The following KCNG3 variants were observed in gnomAD, a reference collection of about 807,000 sequenced individuals.
KCNG3 encodes the protein potassium voltage-gated channel modifier subfamily G member 3, also known as voltage-gated potassium channel regulatory subunit KCNG3.
KCNG3 carries 15 observed loss-of-function variants against 29.0 expected under a neutral mutation model. That is an observed-to-expected ratio of 0.52 (90% confidence interval 0.35 to 0.80). The LOEUF is 0.80. KCNG3 is among the 30% of genes least tolerant of loss of function. The pLI, the probability that KCNG3 is intolerant of heterozygous loss-of-function variation, is 0.01. For synonymous variants in KCNG3, 322 were observed against 248.9 expected (o/e 1.29, Z -2.76); for missense variants, 512 against 605.7 (o/e 0.85, Z 1.62).
chr2:42,408,458 T>C, the KCNG3 span, among the ~76,000 whole-genome samples: 2 of 152,130 alleles, frequency 1.3e-5, no homozygotes, highest in Admixed American at 1.3e-4. Context: ...GATGACCAGC[T>C]GCAGAGAGGA....
the KCNG3 span, among the ~76,000 whole-genome samples, chr2:42,390,657 CT>C: frequency 6.6e-6 from 1 of 152,182 alleles, no homozygotes; most frequent in African/African-American, 2.4e-5. Context: ...ATCATGTGGA[CT>C]TATTCCTCAC....
At chr2:42,428,475 A>AAAAAG in the KCNG3 span, among the ~76,000 whole-genome samples, 1 of 143,814 alleles carries the variant, frequency 7.0e-6, no homozygotes, top group African/African-American at 2.8e-5. Context: ...AAAAAAAAAA[A>AAAAAG]AAAGAAAAGA....
chr2:42,462,788 T>C (rs1229079516), intron 1 of KCNG3, among the ~76,000 whole-genome samples: 2 of 152,346 alleles, frequency 1.3e-5, no homozygotes, highest in East Asian at 3.9e-4. Flanking sequence ...AAACCAAGGT[T>C]CAATTATCAG....
intron 1 of KCNG3, chr2:42,463,509 C>G (rs956872515): frequency 2.3e-5 from 4 of 170,666 alleles, no homozygotes; most frequent in African/African-American, 9.6e-5. Context: ...TAAAGTCCCT[C>G]TGCTTCTCTT....
chr2:42,443,963 T>C lies in KCNG3; in HGVS notation c.1282A>G (p.Arg428Gly), dbSNP rs1472063766. The change falls in exon 2 of 2, where the codon AGG becomes GGG. Residue 428 changes from arginine (R) to glycine (G), a missense_variant. Transcript: ENST00000306078. ...TTCAGGAATTCAGTGGAGAGGCTCC[T>C]ACTATACCTAGCAGATCTAAACTTG... ...ELKFRSARYSRSLSTEFLN is the reference protein window; with the variant it reads ...ELKFRSARYSGSLSTEFLN The C allele has an allele frequency of 6.2e-7, 1 of 1,613,500 alleles. No homozygotes were observed. Among genetic ancestry groups the C allele is most frequent in the Admixed American group, 1.7e-5 (1 of 59,930 alleles).
chr2:42,390,292 T>C, the KCNG3 span, among the ~76,000 whole-genome samples: 1 of 152,132 alleles, frequency 6.6e-6, no homozygotes, highest in Admixed American at 6.5e-5. Flanking sequence ...AGAAAAAAAA[T>C]GGATTAGGAA....
the KCNG3 span, among the ~76,000 whole-genome samples, chr2:42,409,608 G>A: frequency 6.7e-6 from 1 of 149,020 alleles, no homozygotes; most frequent in Admixed American, 6.7e-5. Flanking sequence ...GGAGGCTGAG[G>A]TGGAAGGATT....
chr2:42,389,390 T>G, the KCNG3 span, among the ~76,000 whole-genome samples: 1 of 152,218 alleles, frequency 6.6e-6, no homozygotes, highest in African/African-American at 2.4e-5. Context: ...TCTTACCAAC[T>G]TTACTCAGAG....
At chr2:42,488,612 T>C (rs1020483861) in intron 1 of KCNG3, among the ~76,000 whole-genome samples, 8 of 151,580 alleles carry the variant, frequency 5.3e-5, no homozygotes, top group African/African-American at 1.9e-4. Flanking sequence ...TGCAGTAGCG[T>C]GATATCGGCT....
At chr2:42,475,333 T>C (rs1673397038) in intron 1 of KCNG3, among the ~76,000 whole-genome samples, 1 of 150,378 alleles carries the variant, frequency 6.6e-6, no homozygotes, top group South Asian at 2.1e-4. Flanking sequence ...CTTTTTTTTT[T>C]TTTTTTTTTT....
intron 1 of KCNG3, among the ~76,000 whole-genome samples, chr2:42,471,880 T>C (rs1304718252): frequency 4.2e-5 from 5 of 118,878 alleles, no homozygotes; most frequent in African/African-American, 1.8e-4. Flanking sequence ...CGAGACCCTG[T>C]ATCTCAAAAA....
chr2:42,399,056 C>CTTTTTTTTTTTTTTT, the KCNG3 span, among the ~76,000 whole-genome samples: 78 of 107,612 alleles, frequency 7.2e-4, no homozygotes, highest in Non-Finnish European at 1.0e-3. Flanking sequence ...TTTTTCTTTT[C>CTTTTTTTTTTTTTTT]TTTTTTTTTT....
chr2:42,451,645 GA>G (rs371710244), intron 1 of KCNG3, among the ~76,000 whole-genome samples: 1,601 of 152,184 alleles, frequency 0.011, 23 homozygotes, highest in African/African-American at 0.036. Flanking sequence ...GAATCTGCTT[GA>G]ACCCAGGAGG....
intron 1 of KCNG3, among the ~76,000 whole-genome samples, chr2:42,448,717 C>T (rs980115471): frequency 3.3e-5 from 5 of 152,044 alleles, no homozygotes; most frequent in African/African-American, 7.2e-5. Context: ...TGGCCGGGAG[C>T]GGTGGCTCAT....
chr2:42,475,019 C>A (rs1673387885), intron 1 of KCNG3, among the ~76,000 whole-genome samples: 1 of 152,172 alleles, frequency 6.6e-6, no homozygotes, highest in Admixed American at 6.6e-5. Flanking sequence ...GTGTCCTTAG[C>A]ACACAGTACA....
the KCNG3 span, among the ~76,000 whole-genome samples, chr2:42,425,262 G>A: frequency 9.9e-5 from 15 of 151,800 alleles, no homozygotes; most frequent in South Asian, 4.2e-4. Flanking sequence ...TTAGCGGGGC[G>A]TGGTGGCGCG....
chr2:42,421,228 G>A, the KCNG3 span, among the ~76,000 whole-genome samples: 2 of 152,326 alleles, frequency 1.3e-5, no homozygotes, highest in Middle Eastern at 3.4e-3. Context: ...CAACAATTAT[G>A]TGCTGGCCTC....
At chr2:42,476,516 T>C (rs1673430380) in intron 1 of KCNG3, among the ~76,000 whole-genome samples, 1 of 151,982 alleles carries the variant, frequency 6.6e-6, no homozygotes, top group Non-Finnish European at 1.5e-5. Context: ...AGACAGAATC[T>C]TGCTCTGTCA....
chr2:42,458,139 T>G (rs1672924373), intron 1 of KCNG3, among the ~76,000 whole-genome samples: 1 of 152,156 alleles, frequency 6.6e-6, no homozygotes, highest in Non-Finnish European at 1.5e-5. Context: ...GGACGGCCAT[T>G]TCATTAGGAT....
Sources: gnomAD v4.1 joint callset for allele counts (sites outside exome capture counted in the v4.1 genomes callset) on GRCh38, gnomAD v4.1.1 for gene constraint, MANE v1.5 for transcripts, NCBI Gene and HGNC (gene_info 2026-07-23, HGNC 2026-07-21) for gene names.